The following TRAF3 variants were observed in gnomAD, a reference collection of about 807,000 sequenced individuals.
TRAF3 encodes the protein TNF receptor associated factor 3.
In TRAF3, 13 loss-of-function variants were observed where a neutral mutation model predicts 62.3. The observed-to-expected ratio is 0.21, with a 90% CI of 0.14 to 0.33. The LOEUF is 0.33. Ranked by LOEUF, TRAF3 falls within the 10% of genes least tolerant of loss-of-function variation. TRAF3 has a pLI of 1.00. For missense variants in TRAF3, 440 were observed against 741.8 expected (o/e 0.59, Z 4.73); for synonymous variants, 269 against 283.4 (o/e 0.95, Z 0.51).
At chr14:102,787,658 G>A (rs551840720) in intron 1 of TRAF3, among the ~76,000 whole-genome samples, 2 of 152,256 alleles carry the variant, frequency 1.3e-5, no homozygotes, top group South Asian at 2.1e-4. Flanking sequence ...CTGCACTGCA[G>A]CCTGGGTGAC....
chr14:102,798,846 G>C (rs1031765815), intron 1 of TRAF3, among the ~76,000 whole-genome samples: 4 of 152,176 alleles, frequency 2.6e-5, no homozygotes, highest in African/African-American at 9.7e-5. Context: ...GCATAAAAAT[G>C]CTCCATGAGG....
chr14:102,899,143 C>T (rs1436693577), intron 10 of TRAF3, among the ~76,000 whole-genome samples: 1 of 152,244 alleles, frequency 6.6e-6, no homozygotes, highest in African/African-American at 2.4e-5. Flanking sequence ...GCGTGGTCTA[C>T]ACAGAAGGTC....
chr14:102,813,432 C>G (rs991550215), intron 1 of TRAF3, among the ~76,000 whole-genome samples: 3 of 151,762 alleles, frequency 2.0e-5, no homozygotes, highest in Non-Finnish European at 4.4e-5. Context: ...TCCCCCTGCC[C>G]CGGCTTTTTT....
rs770611729 is a variant in TRAF3, at chr14:102,876,396, A to G, written c.441A>G (p.Pro147=). The G allele has an allele frequency of 5.6e-6, 9 of 1,614,238 alleles. No individual in the cohort carries two copies. The highest frequency in any genetic ancestry group is 7.6e-6 in the Non-Finnish European group (9 of 1,180,038). ...ATGATTGCCATTTTGAAGAACTTCCATGTGTGCGTCCTGACTGCAAAGAAA... is the reference window on the plus strand; with the variant it reads ...ATGATTGCCATTTTGAAGAACTTCCGTGTGTGCGTCCTGACTGCAAAGAAA... ...LKNDCHFEEL[P]CVRPDCKEKV... Residue 147 remains proline (P), a synonymous_variant, in exon 6 of 12, where the codon CCA becomes CCG. Coordinates refer to ENST00000392745, the MANE Select transcript of TRAF3 (RefSeq NM_145725.3).
At chr14:102,892,031 A>T (rs796840256) in intron 9 of TRAF3, among the ~76,000 whole-genome samples, 1 of 142,960 alleles carries the variant, frequency 7.0e-6, no homozygotes, top group African/African-American at 2.6e-5. Flanking sequence ...TCCCAAAGAG[A>T]CTCTCCCATG....
chr14:102,908,069 G>T lies in TRAF3; in HGVS notation c.*2285G>T, dbSNP rs1199374574. ...CCCCTTCACAAAATGTATAATATTAGATGAAGGATATGCAACATCTTGGTC... is the reference window on the plus strand; with the variant it reads ...CCCCTTCACAAAATGTATAATATTATATGAAGGATATGCAACATCTTGGTC... On this transcript the variant is annotated 3_prime_UTR_variant, in exon 12 of 12. Coordinates refer to ENST00000392745, the MANE Select transcript of TRAF3 (RefSeq NM_145725.3). 6.6e-6 allele frequency: 1 copy of T among 152,282 alleles called. No homozygotes were observed. The highest frequency in any genetic ancestry group is 1.5e-5 in the Non-Finnish European group (1 of 68,058). 9.4% of individuals were successfully genotyped at this position (152,282 alleles called of 1,614,324 possible). A position where few individuals can be genotyped will look rare whatever the true frequency, so the allele number is the denominator to read the frequency against.
chr14:102,846,849 GTACT>G (rs565120017), intron 2 of TRAF3, among the ~76,000 whole-genome samples: 25 of 152,022 alleles, frequency 1.6e-4, no homozygotes, highest in Non-Finnish European at 3.1e-4. Context: ...GTTAAAGCTA[GTACT>G]TACTTACGTA....
intron 2 of TRAF3, among the ~76,000 whole-genome samples, chr14:102,838,992 T>C (rs933098804): frequency 2.2e-4 from 33 of 152,300 alleles, no homozygotes; most frequent in African/African-American, 6.7e-4. Flanking sequence ...CCTGCACCTG[T>C]GCCTTCTATG....
rs1273050668 is a variant in TRAF3 at position 102,906,762 on chromosome 14, T to C, written c.*978T>C. On this transcript the variant is annotated 3_prime_UTR_variant, in exon 12 of 12. Coordinates refer to ENST00000392745, the MANE Select transcript of TRAF3 (RefSeq NM_145725.3). Reference sequence around the variant, plus strand: ...TCTCTGTTGCTGACAGCACCGGCCTTCGGTCTCCATGTCAGGGGTGGGCGG... The same window carrying C: ...TCTCTGTTGCTGACAGCACCGGCCTCCGGTCTCCATGTCAGGGGTGGGCGG... 1 of 152,200 alleles carries C rather than the reference T, an allele frequency of 6.6e-6. No individual in the cohort carries two copies. Among genetic ancestry groups the C allele is most frequent in the Non-Finnish European group, 1.5e-5 (1 of 68,030 alleles). The allele number at this position is 152,200 out of a possible 1,614,324, so 9.4% of individuals were successfully genotyped here.
intron 2 of TRAF3, among the ~76,000 whole-genome samples, chr14:102,862,662 C>T (rs935662091): frequency 6.6e-6 from 1 of 152,088 alleles, no homozygotes; most frequent in Non-Finnish European, 1.5e-5. Context: ...TCATTAAATA[C>T]AGGACTTTTC....
At chr14:102,888,127 A>C (rs1174610996) in intron 7 of TRAF3, among the ~76,000 whole-genome samples, 2 of 152,226 alleles carry the variant, frequency 1.3e-5, no homozygotes, top group African/African-American at 2.4e-5. Context: ...CCCTGGCTTA[A>C]CATGTAATAG....
At chr14:102,813,222 G>T (rs950349905) in intron 1 of TRAF3, among the ~76,000 whole-genome samples, 5 of 151,512 alleles carry the variant, frequency 3.3e-5, no homozygotes, top group African/African-American at 1.2e-4. Context: ...TAATCCGCCC[G>T]CCTCAGCCTC....
Position 102,870,408 on chromosome 14 carries a change from G to A in TRAF3, c.207G>A (p.Gly69=). 1 of 1,614,102 alleles carries A rather than the reference G, an allele frequency of 6.2e-7. No homozygotes were observed. Among genetic ancestry groups the A allele is most frequent in the Non-Finnish European group, 8.5e-7 (1 of 1,180,002 alleles). The change falls in exon 3 of 12, where the codon GGG becomes GGA. Residue 69 remains glycine (G), a synonymous_variant. Coordinates refer to ENST00000392745, the MANE Select transcript of TRAF3 (RefSeq NM_145725.3). ...VLCSPKQTEC[G]HRFCESCMAA... Reference sequence around the variant, plus strand: ...GCAGCCCGAAGCAGACCGAGTGTGGGCACCGCTTCTGCGAGAGCTGCATGG... The same window carrying A: ...GCAGCCCGAAGCAGACCGAGTGTGGACACCGCTTCTGCGAGAGCTGCATGG...
At chr14:102,813,773 T>G (rs991544499) in intron 1 of TRAF3, among the ~76,000 whole-genome samples, 5 of 146,396 alleles carry the variant, frequency 3.4e-5, no homozygotes, top group African/African-American at 1.2e-4. Flanking sequence ...TTTAATTGGA[T>G]TTTTTTTTTT....
chr14:102,780,327 GA>G (rs77846227), intron 1 of TRAF3, among the ~76,000 whole-genome samples: 21 of 145,836 alleles, frequency 1.4e-4, no homozygotes, highest in South Asian at 4.3e-4. Flanking sequence ...AAATAGAAAA[GA>G]AAAAAAAAAC....
intron 10 of TRAF3, among the ~76,000 whole-genome samples, chr14:102,902,573 G>C (rs912271463): frequency 2.0e-5 from 3 of 152,196 alleles, no homozygotes; most frequent in Non-Finnish European, 4.4e-5. Flanking sequence ...CACCTGTCCC[G>C]TGGGACCTGC....
chr14:102,857,974 G>A (rs1158409501), intron 2 of TRAF3, among the ~76,000 whole-genome samples: 1 of 152,146 alleles, frequency 6.6e-6, no homozygotes, highest in Admixed American at 6.6e-5. Context: ...GTCAAAAGCT[G>A]TAAGTAGCTC....
At chr14:102,886,320 T>TGCCTG (rs1394974006) in intron 7 of TRAF3, 51 bp downstream of exon 7, 1 of 1,512,112 alleles carries the variant, frequency 6.6e-7, no homozygotes, top group Non-Finnish European at 9.0e-7. Context: ...CAGGGCTGCG[T>TGCCTG]GCCTGGCTCC....
intron 2 of TRAF3, among the ~76,000 whole-genome samples, chr14:102,851,038 G>C (rs533348620): frequency 6.6e-6 from 1 of 152,238 alleles, no homozygotes; most frequent in South Asian, 2.1e-4. Flanking sequence ...TCTGGGCATT[G>C]GAACCTGCAA....
Sources: allele counts gnomAD v4.1 joint callset (sites outside exome capture counted in the v4.1 genomes callset), GRCh38; gene constraint gnomAD v4.1.1; transcripts MANE v1.5; gene names NCBI Gene and HGNC (gene_info 2026-07-23, HGNC 2026-07-21).